ROBO1: variants seen among roughly 807,000 people sequenced by gnomAD.
ROBO1 encodes roundabout guidance receptor 1.
Under a neutral mutation model 195.9 loss-of-function variants are expected in ROBO1, and 149 were observed. The observed-to-expected ratio is 0.76, with a 90% confidence interval of 0.67 to 0.87. ROBO1 has a LOEUF of 0.87. Ranked by LOEUF, ROBO1 falls within the 40% of genes least tolerant of loss-of-function variation. ROBO1 has a pLI of 0.00. For missense variants in ROBO1, 1,933 were observed against 2,068.3 expected, an observed-to-expected ratio of 0.93 and a Z score of 1.27; for synonymous variants, 816 against 733.2, an observed-to-expected ratio of 1.11 and a Z score of -1.82.
At chr3:79,711,165 A>G (rs1478464278) in intron 1 of ROBO1, among the ~76,000 whole-genome samples, 2 of 152,138 alleles carry the variant, frequency 1.3e-5, no homozygotes, top group South Asian at 2.1e-4. Context: ...GGCATAGTGG[A>G]TCTTGCACTT....
intron 2 of ROBO1, among the ~76,000 whole-genome samples, chr3:79,209,678 T>A (rs549899991): frequency 7.5e-4 from 114 of 152,138 alleles, no homozygotes; most frequent in African/African-American, 2.7e-3. Flanking sequence ...TATTTTTTAA[T>A]TTTTTTAAAT....
chr3:78,791,233 T>C (rs2084010255), intron 4 of ROBO1, among the ~76,000 whole-genome samples: 1 of 152,206 alleles, frequency 6.6e-6, no homozygotes, highest in Non-Finnish European at 1.5e-5. Flanking sequence ...ATAGGTACAC[T>C]ATAGGGTTAG....
chr3:79,449,880 C>A (rs1326774106), intron 2 of ROBO1, among the ~76,000 whole-genome samples: 1 of 152,092 alleles, frequency 6.6e-6, no homozygotes, highest in Non-Finnish European at 1.5e-5. Flanking sequence ...ATCTTCACAA[C>A]AATCATATAG....
intron 2 of ROBO1, among the ~76,000 whole-genome samples, chr3:79,458,938 T>C (rs2107246240): frequency 6.6e-6 from 1 of 152,214 alleles, no homozygotes; most frequent in East Asian, 1.9e-4. Flanking sequence ...TTACTATTAC[T>C]AGGAAAGCAA....
chr3:79,656,721 C>T (rs1321275325), intron 1 of ROBO1, among the ~76,000 whole-genome samples: 1 of 151,592 alleles, frequency 6.6e-6, no homozygotes, highest in East Asian at 2.0e-4. Flanking sequence ...ATAGTGAGAC[C>T]CCATCTATAC....
At chr3:79,442,410 T>C (rs1249434109) in intron 2 of ROBO1, among the ~76,000 whole-genome samples, 1 of 152,198 alleles carries the variant, frequency 6.6e-6, no homozygotes, top group African/African-American at 2.4e-5. Flanking sequence ...ATAGTATCTG[T>C]TTTCCATTTA....
intron 1 of ROBO1, among the ~76,000 whole-genome samples, chr3:79,653,862 A>G (rs1946084235): frequency 6.6e-6 from 1 of 151,992 alleles, no homozygotes; most frequent in Admixed American, 6.6e-5. Context: ...TAGCTATATC[A>G]ATATGATAAT....
At chr3:79,754,752 A>C (rs2107492629) in intron 1 of ROBO1, among the ~76,000 whole-genome samples, 1 of 152,324 alleles carries the variant, frequency 6.6e-6, no homozygotes, top group East Asian at 1.9e-4. Flanking sequence ...CTAAGGCAAA[A>C]TAAAGACCAT....
At chr3:79,594,254 T>G (rs73849636) in intron 1 of ROBO1, among the ~76,000 whole-genome samples, 3,784 of 152,142 alleles carry the variant, frequency 0.025, 106 homozygotes, top group African/African-American at 0.07. Flanking sequence ...AAGAATGTGA[T>G]ATAACTGTAT....
At chr3:78,993,646 GT>G (rs1273859547) in intron 3 of ROBO1, among the ~76,000 whole-genome samples, 1 of 152,046 alleles carries the variant, frequency 6.6e-6, no homozygotes, top group African/African-American at 2.4e-5. Flanking sequence ...CCTTTACAAC[GT>G]GAATCACACC....
chr3:79,700,317 T>TG (rs1553793340), intron 1 of ROBO1, among the ~76,000 whole-genome samples: 5 of 144,150 alleles, frequency 3.5e-5, no homozygotes, highest in African/African-American at 7.8e-5. Context: ...GTGTGTGTGT[T>TG]TGTGTGTGTG....
intron 3 of ROBO1, among the ~76,000 whole-genome samples, chr3:79,111,693 T>C (rs1435686020): frequency 6.6e-6 from 1 of 152,152 alleles, no homozygotes; most frequent in African/African-American, 2.4e-5. Context: ...TTATTCTAAT[T>C]GTGCTAGACC....
At chr3:78,954,098 G>C (rs1266541836) in intron 3 of ROBO1, among the ~76,000 whole-genome samples, 2 of 151,758 alleles carry the variant, frequency 1.3e-5, no homozygotes, top group Non-Finnish European at 2.9e-5. Flanking sequence ...CACTTATACA[G>C]GTCTTGGCAA....
At chr3:79,649,738 A>T (rs1305704511) in intron 1 of ROBO1, among the ~76,000 whole-genome samples, 1 of 152,068 alleles carries the variant, frequency 6.6e-6, no homozygotes, top group African/African-American at 2.4e-5. Flanking sequence ...TATGAGTCTG[A>T]CTAGACTAGG....
At chr3:79,140,682 A>G (rs1003078514) in intron 2 of ROBO1, among the ~76,000 whole-genome samples, 1 of 152,170 alleles carries the variant, frequency 6.6e-6, no homozygotes, top group African/African-American at 2.4e-5. Context: ...CAATGAGAAA[A>G]CACACACTCT....
chr3:78,621,706 G>A (rs1704466569), intron 26 of ROBO1, among the ~76,000 whole-genome samples: 3 of 152,176 alleles, frequency 2.0e-5, no homozygotes, highest in Admixed American at 2.0e-4. Context: ...TCCCCGAGGG[G>A]TTTCAATGTC....
chr3:78,984,703 T>C (rs1428380697), intron 3 of ROBO1, among the ~76,000 whole-genome samples: 3 of 152,180 alleles, frequency 2.0e-5, no homozygotes, highest in Non-Finnish European at 4.4e-5. Flanking sequence ...TTCGGACAGC[T>C]GGCTAAGAGA....
intron 2 of ROBO1, among the ~76,000 whole-genome samples, chr3:79,189,372 T>C (rs548480002): frequency 5.2e-4 from 79 of 151,818 alleles, no homozygotes; most frequent in African/African-American, 1.8e-3. Flanking sequence ...ACTAAATAAA[T>C]GTAAATATAA....
At chr3:79,417,759 C>T (rs2038063948) in intron 2 of ROBO1, among the ~76,000 whole-genome samples, 1 of 152,110 alleles carries the variant, frequency 6.6e-6, no homozygotes. Flanking sequence ...CACCAATTTG[C>T]ACAATTGCAT....
Sources: gnomAD v4.1 joint callset for allele counts (sites outside exome capture counted in the v4.1 genomes callset) on GRCh38, gnomAD v4.1.1 for gene constraint, MANE v1.5 for transcripts, NCBI Gene and HGNC (gene_info 2026-07-23, HGNC 2026-07-21) for gene names.